The following UPP2 variants were observed in gnomAD, a reference collection of about 807,000 sequenced individuals.
UPP2 encodes uridine phosphorylase 2.
A neutral mutation model predicts 26.7 loss-of-function variants in UPP2; 23 were observed. The ratio of observed to expected loss-of-function variants is 0.86; its 90% CI spans 0.62 to 1.22. The LOEUF is 1.22. Among genes scored for constraint, UPP2 ranks in the 50% most tolerant of loss-of-function variants. The pLI is 0.00. For synonymous variants in UPP2, 127 were observed against 141.3 expected (o/e 0.90, Z 0.72); for missense variants, 387 against 396.7 (o/e 0.98, Z 0.21).
Position 158,010,763 on chromosome 2 carries a change from CTTT to C in UPP2, c.62-5020_62-5018del, listed in dbSNP as rs34328148. On this transcript the variant is annotated intron_variant, in intron 2 of 9. Transcript: ENST00000605860. ...AGAGCATCATTAGCTCCCTCTTTTTCTTTTTTTTTTTTTTTTTTTTGAGACAGA... is the reference window on the plus strand; with the variant it reads ...AGAGCATCATTAGCTCCCTCTTTTTCTTTTTTTTTTTTTTTTTGAGACAGA... Among the ~76,000 whole-genome samples, 520 of 82,938 alleles carry C rather than the reference CTTT, an allele frequency of 6.3e-3. 2 individuals are homozygous for C. The highest frequency in any genetic ancestry group is 0.017 in the African/African-American group (497 of 29,436). 54.4% of individuals were successfully genotyped at this position (82,938 alleles called of 152,430 possible).
chr2:158,053,949 T>C (rs1682202095), intron 3 of UPP2, among the ~76,000 whole-genome samples: 1 of 152,216 alleles, frequency 6.6e-6, no homozygotes, highest in African/African-American at 2.4e-5. Flanking sequence ...TCACAAGCAT[T>C]TTCACAATTT....
In UPP2 at chr2:158,103,809, C is replaced by T. The variant is rs74649621; in HGVS notation, c.62+1684C>T. ...ATGAGCTCCCCAGATGTTCCTGATG[C>T]TGCTGGTTCACTGACCACACACTGT... On this transcript the variant is annotated intron_variant, in intron 1 of 6. Coordinates refer to ENST00000005756, the MANE Select transcript of UPP2 (RefSeq NM_173355.4). Among the ~76,000 whole-genome samples the T allele has an allele frequency of 3.3e-3, 496 of 152,256 alleles. 1 individual carries two copies. The highest frequency in any genetic ancestry group is 0.011 in the African/African-American group (477 of 41,540).
intron 3 of UPP2, among the ~76,000 whole-genome samples, chr2:158,058,817 C>A (rs1197485117): frequency 6.6e-6 from 1 of 152,080 alleles, no homozygotes; most frequent in South Asian, 2.1e-4. Flanking sequence ...ACACCAAGAT[C>A]TGGGCAATGA....
intron 3 of UPP2, among the ~76,000 whole-genome samples, chr2:158,045,966 G>A (rs916704681): frequency 3.3e-5 from 5 of 151,964 alleles, no homozygotes; most frequent in African/African-American, 1.2e-4. Flanking sequence ...ATGGCATTTG[G>A]GCCTCTTTCC....
At chr2:158,030,149 T>C (rs554356026) in intron 3 of UPP2, among the ~76,000 whole-genome samples, 1 of 152,264 alleles carries the variant, frequency 6.6e-6, no homozygotes, top group South Asian at 2.1e-4. Flanking sequence ...TCTGGACAAG[T>C]TGGTAAAAGA....
At chr2:157,998,364 A>C (rs1302151513) in intron 2 of UPP2, among the ~76,000 whole-genome samples, 1 of 152,200 alleles carries the variant, frequency 6.6e-6, no homozygotes, top group African/African-American at 2.4e-5. Context: ...ACTTTAGTGC[A>C]GGGCACGTCT....
chr2:158,116,059 T>A (rs914025065), intron 3 of UPP2, among the ~76,000 whole-genome samples: 1 of 152,192 alleles, frequency 6.6e-6, no homozygotes, highest in Non-Finnish European at 1.5e-5. Flanking sequence ...CCATAGGGAA[T>A]AGGCATCATC....
chr2:158,074,690 TAC>T (rs56277459), intron 3 of UPP2, among the ~76,000 whole-genome samples: 3,430 of 135,436 alleles, frequency 0.025, 49 homozygotes, highest in Non-Finnish European at 0.031. Flanking sequence ...AAGACCTTCA[TAC>T]ACACACACAC....
intron 3 of UPP2, among the ~76,000 whole-genome samples, chr2:158,066,242 T>C (rs979948325): frequency 6.6e-6 from 1 of 152,228 alleles, no homozygotes; most frequent in African/African-American, 2.4e-5. Flanking sequence ...CCTCTGTGTT[T>C]GGGTTACAGT....
chr2:157,997,408 G>T (rs1442474098), intron 2 of UPP2, among the ~76,000 whole-genome samples: 1 of 151,964 alleles, frequency 6.6e-6, no homozygotes, highest in Non-Finnish European at 1.5e-5. Flanking sequence ...ATATTTTTTT[G>T]GAAACTTGTT....
intron 3 of UPP2, among the ~76,000 whole-genome samples, chr2:158,023,954 T>G (rs934304518): frequency 9.9e-5 from 15 of 152,188 alleles, no homozygotes; most frequent in Non-Finnish European, 1.9e-4. Flanking sequence ...GGAGATTGCC[T>G]GCGTCAAAAG....
rs887105175 is a variant in UPP2 at position 158,093,970 on chromosome 2, T to A, written c.148-8070T>A. ...AATATATATATAGTATATGTTACAT[T>A]TATATATATATGCCATATATTATAT... On this transcript the variant is annotated intron_variant, in intron 3 of 9. Transcript: ENST00000605860. Among the ~76,000 whole-genome samples, 9 of 149,802 alleles carry A rather than the reference T, an allele frequency of 6.0e-5. 1 individual carries two copies. The highest frequency in any genetic ancestry group is 2.2e-4 in the African/African-American group (9 of 40,972).
chr2:158,059,138 C>T (rs554500670), intron 3 of UPP2, among the ~76,000 whole-genome samples: 1 of 152,332 alleles, frequency 6.6e-6, no homozygotes, highest in South Asian at 2.1e-4. Flanking sequence ...TTGCCTGACC[C>T]ACTTCCAAAG....
chr2:158,100,715 A>C (rs751770391), upstream of UPP2, among the ~76,000 whole-genome samples: 2 of 152,228 alleles, frequency 1.3e-5, no homozygotes, highest in Non-Finnish European at 2.9e-5. Flanking sequence ...CCTCATAGTC[A>C]TCATTACCTT....
At chr2:158,074,901 C>T (rs1220828697) in intron 3 of UPP2, among the ~76,000 whole-genome samples, 2 of 150,322 alleles carry the variant, frequency 1.3e-5, no homozygotes, top group East Asian at 2.0e-4. Flanking sequence ...TAAACACATA[C>T]ATAGACTGCA....
chr2:157,998,064 G>A (rs1371960989), intron 2 of UPP2, among the ~76,000 whole-genome samples: 1 of 152,174 alleles, frequency 6.6e-6, no homozygotes, highest in Non-Finnish European at 1.5e-5. Flanking sequence ...TTAAATCATG[G>A]ATATGGGTGT....
At chr2:158,004,831 ATTATC>A (rs770267218) in intron 2 of UPP2, among the ~76,000 whole-genome samples, 5 of 152,224 alleles carry the variant, frequency 3.3e-5, no homozygotes, top group Non-Finnish European at 7.3e-5. Flanking sequence ...GGAGATAATA[ATTATC>A]TTATAAGGTT....
chr2:158,008,598 A>C (rs1683529504), intron 2 of UPP2, among the ~76,000 whole-genome samples: 1 of 152,172 alleles, frequency 6.6e-6, no homozygotes, highest in African/African-American at 2.4e-5. Flanking sequence ...AAAGCACTTG[A>C]CTTTCCTACT....
At chr2:158,130,118 C>T (rs937895172) in intron 6 of UPP2, among the ~76,000 whole-genome samples, 16 of 152,026 alleles carry the variant, frequency 1.1e-4, no homozygotes, top group African/African-American at 3.9e-4. Context: ...AGAGGCCACC[C>T]AGGAGTACAA....
Sources: allele counts gnomAD v4.1 joint callset (sites outside exome capture counted in the v4.1 genomes callset), GRCh38; gene constraint gnomAD v4.1.1; transcripts MANE v1.5; gene names NCBI Gene and HGNC (gene_info 2026-07-23, HGNC 2026-07-21).